The following CSF3R variants were observed in gnomAD, a reference collection of about 807,000 sequenced individuals.
CSF3R encodes granulocyte colony-stimulating factor receptor.
CSF3R carries 52 observed loss-of-function variants against 84.4 expected under a neutral mutation model. The observed-to-expected ratio is 0.62, with a 90% CI of 0.49 to 0.78. The LOEUF (loss-of-function observed/expected upper bound fraction) is 0.78, where lower values mean the gene tolerates loss of function less well. CSF3R is among the 30% of genes least tolerant of loss of function. The pLI, the probability that CSF3R is intolerant of heterozygous loss-of-function variation, is 0.00. For synonymous variants in CSF3R, 384 were observed against 429.1 expected (o/e 0.89, Z 1.30); for missense variants, 890 against 1,055.7 (o/e 0.84, Z 2.17).
chr1:36,471,746 C>T, intron 9 of CSF3R, 100 bp from the exon 10 acceptor site: 1 of 1,241,554 alleles, frequency 8.1e-7, no homozygotes, highest in Non-Finnish European at 1.2e-6. Flanking sequence ...ACGGAGCCTC[C>T]CCAGGCTGGG....
intron 11 of CSF3R, among the ~76,000 whole-genome samples, 174 bp from the exon 12 acceptor site, chr1:36,469,431 G>A (rs1650557717): frequency 6.6e-6 from 1 of 152,206 alleles, no homozygotes; most frequent in Non-Finnish European, 1.5e-5. Flanking sequence ...GTGGAAGAGA[G>A]AGCTAGAAGG....
intron 3 of CSF3R, among the ~76,000 whole-genome samples, chr1:36,477,916 GC>G (rs1362066394): frequency 1.3e-5 from 2 of 151,992 alleles, no homozygotes. Context: ...CCGGCACCAT[GC>G]CCGGCTAATT....
Position 36,471,511 on chromosome 1 carries a change from C to T in CSF3R, c.1207G>A (p.Ala403Thr). The part of the protein sequence containing the change: ...LSCTFHLPSE[A>T]QEVALVAYNS... ...TAGGCCACAAGGGCCACCTCCTGGG[C>T]TTCTGAAGGCAGGTGGAAGGTGCAG... The change falls in exon 10 of 17, where the codon GCC (alanine) becomes ACC (threonine). Residue 403 changes from alanine to threonine, a missense_variant. Physicochemically the swap from Ala to Thr is moderately conservative, Grantham distance 58 (BLOSUM62 0). Transcript: ENST00000373106. 1.9e-6 allele frequency: 3 copies of T among 1,614,244 alleles called. No homozygotes were observed. In the South Asian group the frequency reaches 3.3e-5, roughly 18 times the overall value.
intron 3 of CSF3R, among the ~76,000 whole-genome samples, chr1:36,478,114 T>C (rs1032672589): frequency 1.3e-5 from 2 of 152,238 alleles, no homozygotes; most frequent in African/African-American, 4.8e-5. Context: ...TTCAAAACTC[T>C]ACCTGATGCT....
intron 4 of CSF3R, among the ~76,000 whole-genome samples, chr1:36,474,264 A>G (rs1650974285): frequency 6.6e-6 from 1 of 152,170 alleles, no homozygotes; most frequent in East Asian, 1.9e-4. Context: ...AAATGGGGAT[A>G]ATGGTAAAAT....
In CSF3R at chr1:36,472,555, G is replaced by A. The variant is rs2124123972; in HGVS notation, c.805C>T (p.Arg269Cys). 1.9e-6 allele frequency: 3 copies of A among 1,614,164 alleles called. No homozygotes were observed. The highest frequency in any genetic ancestry group is 2.5e-6 in the Non-Finnish European group (3 of 1,180,028). ...GCTTCTCCACGCTGCGGCTTGTGGC[G>A]CAGCTCACACTTCTGATTTATGTGC... ...GLHINQKCEL[R>C]HKPQRGEASW... Residue 269 changes from arginine to cysteine, a missense_variant, in exon 7 of 17, where the codon CGC (arginine) becomes TGC (cysteine). Arg to Cys is a radical substitution (Grantham distance 180). Coordinates refer to ENST00000373106, the MANE Select transcript of CSF3R (RefSeq NM_000760.4). This position sits in a 1 kb window ranked among gnomAD's most constrained non-coding sequence, Gnocchi z 5.0.
chr1:36,469,384 C>A, intron 11 of CSF3R, 127 bp from the exon 12 acceptor site: 3 of 816,216 alleles, frequency 3.7e-6, no homozygotes, highest in Non-Finnish European at 6.2e-6. Flanking sequence ...TCCACAATAT[C>A]TTCTTTAGAT....
intron 6 of CSF3R, 57 bp downstream of exon 6, chr1:36,473,378 C>T (rs1319560683): frequency 6.3e-7 from 1 of 1,590,158 alleles, no homozygotes; most frequent in African/African-American, 1.3e-5. Flanking sequence ...TTTCCCTCTC[C>T]ATTCCTCTCA....
At position 36,468,082 on chromosome 1, in the gene CSF3R, C is replaced by G. The variant is rs1300576876; in HGVS notation, c.1716G>C (p.Gln572His). The change falls in exon 13 of 17, where the codon CAG becomes CAC. Residue 572 changes from glutamine (Q) to histidine (H), a missense_variant. Transcript: ENST00000373106. Reference sequence around the variant, plus strand: ...AACTGAGGATAGACTCACAGAAGGACTGGTTCTGAGCGTTGGTCCAGAAGA... The same window carrying G: ...AACTGAGGATAGACTCACAGAAGGAGTGGTTCTGAGCGTTGGTCCAGAAGA... Reference protein sequence around the residue: ...YTIFWTNAQNQSFSAILNASS... With the variant: ...YTIFWTNAQNHSFSAILNASS... 1 of 1,614,242 alleles carries G rather than the reference C, an allele frequency of 6.2e-7. No individual in the cohort carries two copies. The highest frequency in any genetic ancestry group is 8.5e-7 in the Non-Finnish European group (1 of 1,180,038).
At chr1:36,470,993 G>A (rs1227056016) in intron 10 of CSF3R, among the ~76,000 whole-genome samples, 1 of 152,156 alleles carries the variant, frequency 6.6e-6, no homozygotes, top group African/African-American at 2.4e-5. Context: ...GGCCGGGGAT[G>A]GGAGGTAACT....
chr1:36,482,490 G>A (rs1355195205), intron 1 of CSF3R, among the ~76,000 whole-genome samples: 1 of 152,168 alleles, frequency 6.6e-6, no homozygotes, highest in Non-Finnish European at 1.5e-5. Context: ...GGGTTGCGCG[G>A]CTGGAACTCA....
intron 4 of CSF3R, 23 bp downstream of exon 4, chr1:36,475,354 G>C (rs1246876882): frequency 6.2e-7 from 1 of 1,613,072 alleles, no homozygotes; most frequent in East Asian, 2.2e-5. Flanking sequence ...AGGCAGAGTA[G>C]TTGGATGGCT....
chr1:36,469,228 T>A lies in CSF3R; in HGVS notation c.1504A>T (p.Ile502Phe), dbSNP rs1415177163. 1 of 1,614,018 alleles carries A rather than the reference T, an allele frequency of 6.2e-7. No individual in the cohort carries two copies. Among genetic ancestry groups the A allele is most frequent in the African/African-American group, 1.3e-5 (1 of 74,996 alleles). Residue 502 changes from isoleucine to phenylalanine, a missense_variant, in exon 12 of 17, where the codon ATC becomes TTC. Physicochemically the swap from Ile to Phe is conservative, Grantham distance 21 (BLOSUM62 0). Coordinates refer to ENST00000373106, the MANE Select transcript of CSF3R (RefSeq NM_000760.4). The part of the protein sequence containing the change: ...ENIRPFQLYE[I>F]IVTPLYQDTM... ...TCCTGGTACAAGGGAGTCACGATGA[T>A]CTCATAGAGCTGAAAGGGCCTGATG...
At chr1:36,479,375 A>G (rs1651376574) in intron 3 of CSF3R, 58 bp downstream of exon 3, 1 of 1,526,292 alleles carries the variant, frequency 6.6e-7, no homozygotes, top group African/African-American at 1.4e-5. Context: ...GGAAATTCCC[A>G]ATATCTCTCC....
At chr1:36,474,004 C>G in intron 4 of CSF3R, 117 bp from the exon 5 acceptor site, 3 of 1,461,598 alleles carry the variant, frequency 2.1e-6, no homozygotes, top group Non-Finnish European at 2.9e-6. Flanking sequence ...GTCACCTTGT[C>G]TGTCCCCCTG....
Position 36,467,006 on chromosome 1 carries a change from AC to A in CSF3R, c.2041-180del. ...CACACATGCCTGACACATGCCATGC[AC>A]CGTTCAGACTCAGCATGGTCAGTTT... On this transcript the variant is annotated intron_variant, in intron 16 of 16. Coordinates refer to ENST00000373106, the MANE Select transcript of CSF3R (RefSeq NM_000760.4). This position sits in a 1 kb window ranked among gnomAD's most constrained non-coding sequence, Gnocchi z 4.1. 1 of 1,466,494 alleles carries A rather than the reference AC, an allele frequency of 6.8e-7. No homozygotes were observed. The highest frequency in any genetic ancestry group is 2.3e-5 in the East Asian group (1 of 42,570). 90.8% of individuals were successfully genotyped at this position (1,466,494 alleles called of 1,614,324 possible).
Position 36,467,952 on chromosome 1 carries a change from C to A in CSF3R, c.1734G>T (p.Leu578=), listed in dbSNP as rs1314251171. 1 of 1,614,058 alleles carries A rather than the reference C, an allele frequency of 6.2e-7. No individual in the cohort carries two copies. Among genetic ancestry groups the A allele is most frequent in the Non-Finnish European group, 8.5e-7 (1 of 1,180,052 alleles). Reference sequence around the variant, plus strand: ...GGACAAAGCCACGGGAGGAGGCATTCAGGATGGCGGCTGGGAGGGGTGTAC... The same window carrying A: ...GGACAAAGCCACGGGAGGAGGCATTAAGGATGGCGGCTGGGAGGGGTGTAC... ...NAQNQSFSAI[L]NASSRGFVLH... is the part of the protein sequence containing the mutation. Residue 578 remains leucine, a synonymous_variant, in exon 14 of 17, where the codon CTG becomes CTT. Coordinates refer to ENST00000373106, the MANE Select transcript of CSF3R (RefSeq NM_000760.4). This position sits in a 1 kb window ranked among gnomAD's most constrained non-coding sequence, Gnocchi z 4.1.
At position 36,467,737 on chromosome 1, in the gene CSF3R, G is replaced by A. The variant is rs1650422489; in HGVS notation, c.1864+85C>T. ...CCTCCGACCAGGGGATTCAAAGTCA[G>A]TCCCCAGCTACTCTCAAAATCAGCA... On this transcript the variant is annotated intron_variant, in intron 14 of 16. Coordinates refer to ENST00000373106, the MANE Select transcript of CSF3R (RefSeq NM_000760.4). The surrounding 1 kb of genome is among the most constrained non-coding windows in gnomAD (Gnocchi z 4.1). The A allele has an allele frequency of 6.2e-7, 1 of 1,611,028 alleles. No homozygotes were observed. Among genetic ancestry groups the A allele is most frequent in the Admixed American group, 1.7e-5 (1 of 60,010 alleles).
intron 11 of CSF3R, 58 bp from the exon 12 acceptor site, chr1:36,469,315 A>G (rs999658245): frequency 2.2e-6 from 3 of 1,371,322 alleles, no homozygotes; most frequent in East Asian, 2.3e-5. Context: ...GCTAATGATC[A>G]GGAGCTAGCC....
Sources: allele counts gnomAD v4.1 joint callset (sites outside exome capture counted in the v4.1 genomes callset), GRCh38; gene constraint gnomAD v4.1.1; non-coding constraint Gnocchi (gnomAD v3.1); transcripts MANE v1.5; gene names NCBI Gene and HGNC (gene_info 2026-07-23, HGNC 2026-07-21).